CELF2: variants seen among roughly 807,000 people sequenced by gnomAD.
The protein encoded by CELF2 is CUGBP Elav-like family member 2.
A neutral mutation model predicts 62.6 loss-of-function variants in CELF2; 8 were observed. That is an observed-to-expected ratio of 0.13 (90% confidence interval 0.07 to 0.23). The LOEUF (loss-of-function observed/expected upper bound fraction) is 0.23. CELF2 is among the 10% of genes least tolerant of loss of function. The pLI, the probability that CELF2 is intolerant of heterozygous loss-of-function variation, is 1.00. For synonymous variants in CELF2, 258 were observed against 250.0 expected (o/e 1.03, Z -0.30); for missense variants, 333 against 671.0 (o/e 0.50, Z 5.56).
chr10:10,917,606 G>A (rs543529165), intron 1 of CELF2, among the ~76,000 whole-genome samples: 1 of 152,188 alleles, frequency 6.6e-6, no homozygotes, highest in Non-Finnish European at 1.5e-5. Flanking sequence ...CTCCCAAAGT[G>A]CTAGGATCAC....
the CELF2 span, among the ~76,000 whole-genome samples, chr10:10,617,794 A>G: frequency 6.6e-6 from 1 of 152,142 alleles, no homozygotes; most frequent in African/African-American, 2.4e-5. Flanking sequence ...CTTTACTGGA[A>G]GTAAGTAACC....
At chr10:11,065,319 T>G (rs1176271619) in intron 1 of CELF2, among the ~76,000 whole-genome samples, 1 of 152,256 alleles carries the variant, frequency 6.6e-6, no homozygotes. Flanking sequence ...AATGTGAGAT[T>G]ATCATCTTGT....
At chr10:10,873,808 C>T (rs1318515693) in intron 1 of CELF2, among the ~76,000 whole-genome samples, 1 of 152,218 alleles carries the variant, frequency 6.6e-6, no homozygotes, top group East Asian at 1.9e-4. Flanking sequence ...TCCTCCTTGT[C>T]GGTTTCCAGA....
rs1227547227 is a variant in CELF2, at chr10:11,237,015, TTGAG to T, written c.355-12135_355-12132del. Among the ~76,000 whole-genome samples the T allele has an allele frequency of 6.6e-6, 1 of 152,062 alleles. No individual in the cohort carries two copies. The highest frequency in any genetic ancestry group is 1.5e-5 in the Non-Finnish European group (1 of 68,008). On this transcript the variant is annotated intron_variant, in intron 3 of 12. Transcript: ENST00000633077. The surrounding 1 kb of genome is among the most constrained non-coding windows in gnomAD (Gnocchi z 4.0). ...TAATTTGGTAGATAAGTCAAAGTCT[TTGAG>T]TGGGGGAGAAAAATTTCTAGACTGA...
chr10:10,917,610 G>A (rs977495442), intron 1 of CELF2, among the ~76,000 whole-genome samples: 2 of 152,290 alleles, frequency 1.3e-5, no homozygotes, highest in Admixed American at 1.3e-4. Flanking sequence ...CAAAGTGCTA[G>A]GATCACATGT....
the CELF2 span, among the ~76,000 whole-genome samples, chr10:10,497,860 T>A: frequency 6.6e-6 from 1 of 152,212 alleles, no homozygotes; most frequent in South Asian, 2.1e-4. Flanking sequence ...AGGACATAAC[T>A]GGACCGCCTT....
chr10:11,168,218 A>G (rs1022585954), intron 2 of CELF2, among the ~76,000 whole-genome samples: 1 of 152,214 alleles, frequency 6.6e-6, no homozygotes, highest in Non-Finnish European at 1.5e-5. Context: ...AGATGAAATC[A>G]TTCAAATCTT....
At chr10:10,473,322 C>T in the CELF2 span, among the ~76,000 whole-genome samples, 1 of 151,902 alleles carries the variant, frequency 6.6e-6, no homozygotes, top group Non-Finnish European at 1.5e-5. Context: ...TCCAGGAAAC[C>T]ACCAATATCT....
chr10:10,933,766 T>A (rs1156712279), intron 2 of CELF2, among the ~76,000 whole-genome samples: 1 of 152,202 alleles, frequency 6.6e-6, no homozygotes, highest in Non-Finnish European at 1.5e-5. Flanking sequence ...TTGTTGAAAA[T>A]GACAGATTTT....
the CELF2 span, among the ~76,000 whole-genome samples, chr10:10,571,613 G>A: frequency 1.3e-5 from 2 of 152,100 alleles, no homozygotes; most frequent in African/African-American, 4.8e-5. Flanking sequence ...AGGCATCTGA[G>A]CTGTTGTTAA....
intron 1 of CELF2, among the ~76,000 whole-genome samples, chr10:10,906,503 T>C (rs1178423636): frequency 6.6e-6 from 1 of 152,068 alleles, no homozygotes; most frequent in Non-Finnish European, 1.5e-5. Context: ...AGAATCTAGA[T>C]TATGAGAAGG....
chr10:10,920,074 T>C, intron 2 of CELF2: 1 of 1,045,142 alleles, frequency 9.6e-7, no homozygotes, highest in Non-Finnish European at 1.2e-6. Flanking sequence ...CCATGTCTTC[T>C]GTAAGAGGTC....
Position 11,178,994 on chromosome 10 carries a change from A to C in CELF2, c.271+13312A>C, listed in dbSNP as rs2072282087. Reference sequence around the variant, plus strand: ...CTCTGGCCACTTCCTCCACACCCCCAGGAACATTGCCCCCATTTCACAGAA... The same window carrying C: ...CTCTGGCCACTTCCTCCACACCCCCCGGAACATTGCCCCCATTTCACAGAA... On this transcript the variant is annotated intron_variant, in intron 2 of 12. Transcript: ENST00000633077. This position sits in a 1 kb window ranked among gnomAD's most constrained non-coding sequence, Gnocchi z 4.3. Among the ~76,000 whole-genome samples the C allele has an allele frequency of 6.6e-6, 1 of 152,248 alleles. No individual in the cohort carries two copies. The highest frequency in any genetic ancestry group is 2.4e-5 in the African/African-American group (1 of 41,474).
At chr10:11,061,895 C>G (rs183530386) in intron 1 of CELF2, among the ~76,000 whole-genome samples, 3 of 152,310 alleles carry the variant, frequency 2.0e-5, no homozygotes, top group Non-Finnish European at 4.4e-5. Flanking sequence ...TCACTGTAAC[C>G]TTTGCGGCCT....
At chr10:10,572,195 G>A in the CELF2 span, among the ~76,000 whole-genome samples, 2 of 151,856 alleles carry the variant, frequency 1.3e-5, no homozygotes, top group African/African-American at 2.4e-5. Context: ...TAAATATAAA[G>A]GGAATTCAGA....
At chr10:11,257,534 A>G (rs1589990158) in intron 4 of CELF2, 1 of 540,622 alleles carries the variant, frequency 1.8e-6, no homozygotes, top group Non-Finnish European at 3.3e-6. Flanking sequence ...ACACGGGGAG[A>G]TGGGTTCAGG....
chr10:10,476,993 T>TA, the CELF2 span, among the ~76,000 whole-genome samples: 4 of 152,118 alleles, frequency 2.6e-5, no homozygotes, highest in South Asian at 2.1e-4. Context: ...TATTCTTATG[T>TA]AAAAAAAATT....
intron 1 of CELF2, among the ~76,000 whole-genome samples, chr10:11,025,207 ATGTGTG>A (rs372783836): frequency 1.0e-3 from 146 of 141,252 alleles, no homozygotes; most frequent in African/African-American, 3.7e-3. Flanking sequence ...ATATACATAT[ATGTGTG>A]TGTGTGTGTG....
the CELF2 span, among the ~76,000 whole-genome samples, chr10:10,641,358 C>T: frequency 6.6e-6 from 1 of 152,180 alleles, no homozygotes; most frequent in Non-Finnish European, 1.5e-5. Flanking sequence ...TCGTGTATCT[C>T]TTTACTTGGC....
Sources: allele counts gnomAD v4.1 joint callset (sites outside exome capture counted in the v4.1 genomes callset), GRCh38; gene constraint gnomAD v4.1.1; non-coding constraint Gnocchi (gnomAD v3.1); transcripts MANE v1.5; gene names NCBI Gene and HGNC (gene_info 2026-07-23, HGNC 2026-07-21).